The following SLC14A2 variants were observed in gnomAD, a reference collection of about 807,000 sequenced individuals.
The protein encoded by SLC14A2 is urea transporter 2.
In SLC14A2, 91 loss-of-function variants were observed where a neutral mutation model predicts 104.6. The ratio of observed to expected loss-of-function variants is 0.87; its 90% confidence interval spans 0.73 to 1.04. The LOEUF is 1.04. SLC14A2 is among the 50% of genes least tolerant of loss of function. The pLI is 0.00. For missense variants in SLC14A2, 1,189 were observed against 1,156.0 expected (o/e 1.03, Z -0.41); for synonymous variants, 476 against 466.4 (o/e 1.02, Z -0.27).
intron 1 of SLC14A2, among the ~76,000 whole-genome samples, chr18:45,433,226 T>C (rs2086545200): frequency 6.6e-6 from 1 of 152,050 alleles, no homozygotes; most frequent in African/African-American, 2.4e-5. Flanking sequence ...ATGCATACAG[T>C]GGAGAATATA....
At chr18:45,240,937 C>T (rs1019106215) in intron 1 of SLC14A2, among the ~76,000 whole-genome samples, 9 of 152,132 alleles carry the variant, frequency 5.9e-5, no homozygotes, top group Admixed American at 2.0e-4. Flanking sequence ...GGATTACAGT[C>T]GTGAGCCACC....
chr18:45,313,190 G>A (rs2085096137), intron 1 of SLC14A2, among the ~76,000 whole-genome samples: 1 of 152,192 alleles, frequency 6.6e-6, no homozygotes, highest in African/African-American at 2.4e-5. Flanking sequence ...GAGCTGAGGG[G>A]ATTTTCCTCT....
chr18:45,344,991 G>A (rs572159887), intron 1 of SLC14A2, among the ~76,000 whole-genome samples: 3 of 152,300 alleles, frequency 2.0e-5, no homozygotes, highest in East Asian at 1.9e-4. Context: ...TGTGATAAGC[G>A]TGCTGTCCCT....
chr18:45,513,735 G>T (rs2043398851), intron 2 of SLC14A2, among the ~76,000 whole-genome samples: 1 of 152,208 alleles, frequency 6.6e-6, no homozygotes, highest in Admixed American at 6.5e-5. Context: ...CCCACAAATA[G>T]TTGGGACACA....
chr18:45,517,401 C>T (rs192965125), intron 2 of SLC14A2, among the ~76,000 whole-genome samples: 6 of 152,276 alleles, frequency 3.9e-5, no homozygotes, highest in South Asian at 2.1e-4. Context: ...TAGATAATTA[C>T]GCCTCTAGGT....
chr18:45,407,631 TA>T (rs2144479812), intron 1 of SLC14A2, among the ~76,000 whole-genome samples: 1 of 152,306 alleles, frequency 6.6e-6, no homozygotes, highest in East Asian at 1.9e-4. Context: ...TAATCATGTC[TA>T]GCTGTTTATT....
chr18:45,200,520 T>G, the SLC14A2 span, among the ~76,000 whole-genome samples: 132 of 152,364 alleles, frequency 8.7e-4, no homozygotes, highest in East Asian at 0.023. Flanking sequence ...ATATTTTCAT[T>G]GCTGAGAAAT....
chr18:45,612,145 C>T (rs1187480483), upstream of SLC14A2, among the ~76,000 whole-genome samples: 1 of 152,190 alleles, frequency 6.6e-6, no homozygotes, highest in Non-Finnish European at 1.5e-5. Flanking sequence ...AGATAAAGAG[C>T]TCTCAAGCAG....
intron 2 of SLC14A2, among the ~76,000 whole-genome samples, chr18:45,511,812 A>G (rs1260054947): frequency 6.6e-6 from 1 of 152,226 alleles, no homozygotes; most frequent in Non-Finnish European, 1.5e-5. Context: ...AGTACTTTGG[A>G]TGAAGAGTAC....
At position 45,341,337 on chromosome 18, in the gene SLC14A2, C is replaced by A. The variant is rs535420023; in HGVS notation, c.-125+128146C>A. Among the ~76,000 whole-genome samples the A allele has an allele frequency of 3.9e-5, 6 of 152,258 alleles. No homozygotes were observed. In the East Asian group the frequency reaches 9.7e-4, roughly 25 times the overall value. The stretch of plus-strand genomic sequence containing the variant: ...TGCCAGTTCCATATTTGCAAATTTG[C>A]CTGCTCACTAAAATGTATTGGTAAC... On this transcript the variant is annotated intron_variant, in intron 1 of 20. Transcript: ENST00000586448.
chr18:45,616,467 A>C (rs1355753673), intron 1 of SLC14A2, among the ~76,000 whole-genome samples: 1 of 152,144 alleles, frequency 6.6e-6, no homozygotes, highest in Non-Finnish European at 1.5e-5. Flanking sequence ...GCCCAGTTTC[A>C]GGAGCGAAGC....
intron 1 of SLC14A2, among the ~76,000 whole-genome samples, chr18:45,431,113 G>A (rs2086508156): frequency 6.6e-6 from 1 of 152,090 alleles, no homozygotes; most frequent in Non-Finnish European, 1.5e-5. Context: ...CATTTGGAGG[G>A]GTAATTACAC....
chr18:45,410,847 T>C lies in SLC14A2; in HGVS notation c.-124-72386T>C, dbSNP rs982133390. Among the ~76,000 whole-genome samples the C allele has an allele frequency of 2.6e-5, 4 of 152,346 alleles. No individual in the cohort carries two copies. The East Asian group carries it at 7.7e-4, about 29-fold the overall frequency. ...TTCCTCGCTTAAGAAAACCTCCCAG[T>C]GCCCTTTCTCTGTAGATCTGTAGAT... On this transcript the variant is annotated intron_variant, in intron 1 of 20. Transcript: ENST00000586448.
At position 45,334,990 on chromosome 18, in the gene SLC14A2, A is replaced by G. The variant is rs368215954; in HGVS notation, c.-125+121799A>G. Reference sequence around the variant, plus strand: ...CAAGAATTTTGGTGAATGAGTGTGCAGTTTTTATTTACATATGTATATATT... The same window carrying G: ...CAAGAATTTTGGTGAATGAGTGTGCGGTTTTTATTTACATATGTATATATT... On this transcript the variant is annotated intron_variant, in intron 1 of 20. Transcript: ENST00000586448. Among the ~76,000 whole-genome samples, 65 of 152,332 alleles carry G rather than the reference A, an allele frequency of 4.3e-4. No homozygotes were observed. In the East Asian group the frequency reaches 5.8e-3, roughly 14 times the overall value.
At chr18:45,567,993 C>G (rs898961399) in intron 2 of SLC14A2, among the ~76,000 whole-genome samples, 1 of 152,144 alleles carries the variant, frequency 6.6e-6, no homozygotes, top group Non-Finnish European at 1.5e-5. Flanking sequence ...TTCCAGTGCT[C>G]TTATGCTCAG....
chr18:45,668,762 G>T (rs2046077626), intron 15 of SLC14A2, among the ~76,000 whole-genome samples: 1 of 152,192 alleles, frequency 6.6e-6, no homozygotes, highest in South Asian at 2.1e-4. Flanking sequence ...GCCCACATTG[G>T]TTAAGAGCTG....
chr18:45,195,399 T>A, the SLC14A2 span, among the ~76,000 whole-genome samples: 1 of 152,174 alleles, frequency 6.6e-6, no homozygotes, highest in Non-Finnish European at 1.5e-5. Flanking sequence ...ATAAGAATTT[T>A]TTTTTTCTTT....
chr18:45,264,795 C>G (rs1270131969), intron 1 of SLC14A2, among the ~76,000 whole-genome samples: 1 of 152,066 alleles, frequency 6.6e-6, no homozygotes, highest in African/African-American at 2.4e-5. Context: ...ATGGGGGCCA[C>G]AATTCAAGAT....
chr18:45,399,084 A>G (rs2086067251), intron 1 of SLC14A2, among the ~76,000 whole-genome samples: 1 of 152,160 alleles, frequency 6.6e-6, no homozygotes, highest in African/African-American at 2.4e-5. Flanking sequence ...CAACAATCTC[A>G]AGAAGTAAAT....
Sources: allele counts gnomAD v4.1 joint callset (sites outside exome capture counted in the v4.1 genomes callset), GRCh38; gene constraint gnomAD v4.1.1; transcripts MANE v1.5; gene names NCBI Gene and HGNC (gene_info 2026-07-23, HGNC 2026-07-21).